F13A1: variants seen among roughly 807,000 people sequenced by gnomAD.
The protein encoded by F13A1 is coagulation factor XIII A chain.
Under a neutral mutation model 80.1 loss-of-function variants are expected in F13A1, and 47 were observed. The ratio of observed to expected loss-of-function variants is 0.59; its 90% CI spans 0.46 to 0.75. The LOEUF (loss-of-function observed/expected upper bound fraction) is 0.75. Among genes scored for constraint, F13A1 ranks in the 30% least tolerant of loss-of-function variants. F13A1 has a pLI of 0.00. For missense variants in F13A1, 817 were observed against 930.4 expected (o/e 0.88, Z 1.59); for synonymous variants, 349 against 344.9 (o/e 1.01, Z -0.13).
intron 8 of F13A1, among the ~76,000 whole-genome samples, chr6:6,219,186 C>A (rs184103194): frequency 6.6e-6 from 1 of 152,148 alleles, no homozygotes. Context: ...AAGTATGAGG[C>A]CAATAGCTCC....
At chr6:6,166,880 G>C (rs141706377) in intron 13 of F13A1, among the ~76,000 whole-genome samples, 1 of 152,356 alleles carries the variant, frequency 6.6e-6, no homozygotes, top group South Asian at 2.1e-4. Context: ...CTTGGTGATA[G>C]TCTAGGGGGT....
Position 6,195,955 on chromosome 6 carries a change from T to C in F13A1, c.1217-70A>G, listed in dbSNP as rs554857731. ...TTCTGTCCAGATACTGCAAGATTCATGGCACTGAGGGTGACTCTGTAAAGA... is the reference window on the plus strand; with the variant it reads ...TTCTGTCCAGATACTGCAAGATTCACGGCACTGAGGGTGACTCTGTAAAGA... On this transcript the variant is annotated intron_variant, in intron 9 of 14. Transcript: ENST00000264870. The C allele has an allele frequency of 3.6e-6, 5 of 1,375,700 alleles. No individual in the cohort carries two copies. In the South Asian group the frequency reaches 5.9e-5, roughly 16 times the overall value. 85.2% of individuals were successfully genotyped at this position (1,375,700 alleles called of 1,614,324 possible).
chr6:6,297,523 G>C (rs1477075030), intron 3 of F13A1, among the ~76,000 whole-genome samples: 2 of 150,988 alleles, frequency 1.3e-5, no homozygotes, highest in Non-Finnish European at 2.9e-5. Context: ...AGATTTTCTA[G>C]TTTATTTGCA....
intron 12 of F13A1, among the ~76,000 whole-genome samples, chr6:6,169,966 G>A (rs1017009991): frequency 2.0e-5 from 3 of 152,124 alleles, no homozygotes; most frequent in Non-Finnish European, 2.9e-5. Context: ...CTGCCTTTTG[G>A]AATGACCCGC....
chr6:6,219,040 A>G (rs1407094421), intron 8 of F13A1, among the ~76,000 whole-genome samples: 1 of 152,128 alleles, frequency 6.6e-6, no homozygotes, highest in Non-Finnish European at 1.5e-5. Flanking sequence ...TGAAGAAGAA[A>G]TAGATGGTGG....
At chr6:6,271,958 C>T (rs1228854372) in intron 3 of F13A1, among the ~76,000 whole-genome samples, 1 of 152,236 alleles carries the variant, frequency 6.6e-6, no homozygotes, top group Non-Finnish European at 1.5e-5. Context: ...TGTGATGTTA[C>T]TCTTTTCCAA....
intron 2 of F13A1, among the ~76,000 whole-genome samples, chr6:6,311,038 C>T: frequency 6.7e-6 from 1 of 149,276 alleles, no homozygotes; most frequent in Admixed American, 6.6e-5. Flanking sequence ...AAACATCTGT[C>T]TTTTTTTTTT....
intron 3 of F13A1, among the ~76,000 whole-genome samples, chr6:6,302,853 G>C (rs1758455278): frequency 6.6e-6 from 1 of 152,122 alleles, no homozygotes; most frequent in Admixed American, 6.5e-5. Flanking sequence ...AACTGTACAT[G>C]GTTCTTGCTT....
chr6:6,186,704 A>G (rs1053696945), intron 10 of F13A1, among the ~76,000 whole-genome samples: 7 of 152,118 alleles, frequency 4.6e-5, no homozygotes, highest in African/African-American at 1.7e-4. Context: ...TTGGTGATGC[A>G]GGCTCTTTTT....
At chr6:6,269,314 T>C (rs1757888456) in intron 3 of F13A1, among the ~76,000 whole-genome samples, 1 of 152,164 alleles carries the variant, frequency 6.6e-6, no homozygotes, top group South Asian at 2.1e-4. Context: ...TTCCCTGTTG[T>C]CCTGGGCTTT....
intron 2 of F13A1, among the ~76,000 whole-genome samples, chr6:6,315,858 C>T (rs1357079150): frequency 6.6e-6 from 1 of 151,606 alleles, no homozygotes; most frequent in Non-Finnish European, 1.5e-5. Context: ...CCACTAGTGG[C>T]CACTGGGTGA....
intron 6 of F13A1, among the ~76,000 whole-genome samples, chr6:6,245,028 C>A (rs2113094256): frequency 6.6e-6 from 1 of 152,198 alleles, no homozygotes; most frequent in South Asian, 2.1e-4. Flanking sequence ...ATTTTTACCC[C>A]CAGTAGACAT....
At chr6:6,220,399 A>G (rs1757174833) in intron 8 of F13A1, among the ~76,000 whole-genome samples, 1 of 152,196 alleles carries the variant, frequency 6.6e-6, no homozygotes, top group Middle Eastern at 3.2e-3. Context: ...GGCAAGATCT[A>G]CCTTCGCTAT....
intron 3 of F13A1, among the ~76,000 whole-genome samples, chr6:6,293,884 A>G (rs896582488): frequency 6.6e-6 from 1 of 151,962 alleles, no homozygotes; most frequent in African/African-American, 2.4e-5. Flanking sequence ...CTAGGTTCTG[A>G]GAACAGCAAC....
chr6:6,280,574 G>A (rs2113142175), intron 3 of F13A1, among the ~76,000 whole-genome samples: 1 of 152,278 alleles, frequency 6.6e-6, no homozygotes, highest in Non-Finnish European at 1.5e-5. Context: ...TTCAAGCCTA[G>A]TTTTTTGCAA....
chr6:6,299,024 A>G (rs1377886660), intron 3 of F13A1, among the ~76,000 whole-genome samples: 1 of 147,592 alleles, frequency 6.8e-6, no homozygotes, highest in Non-Finnish European at 1.5e-5. Context: ...GTTTGGCTGG[A>G]TATGAAATTC....
intron 3 of F13A1, among the ~76,000 whole-genome samples, chr6:6,284,724 A>G (rs1196605493): frequency 1.3e-5 from 2 of 152,180 alleles, no homozygotes; most frequent in Non-Finnish European, 2.9e-5. Context: ...GCAGAACAAT[A>G]AGCTCCTGGA....
At chr6:6,304,300 T>C (rs1758479475) in intron 3 of F13A1, among the ~76,000 whole-genome samples, 1 of 152,192 alleles carries the variant, frequency 6.6e-6, no homozygotes, top group Non-Finnish European at 1.5e-5. Flanking sequence ...CTGTGACTGC[T>C]GATTTGATTG....
chr6:6,235,032 T>A (rs1219039098), intron 6 of F13A1, among the ~76,000 whole-genome samples: 2 of 152,020 alleles, frequency 1.3e-5, no homozygotes, highest in Non-Finnish European at 2.9e-5. Context: ...GGAAATTTTA[T>A]GGATAAAGGA....
Sources: gnomAD v4.1 joint callset for allele counts (sites outside exome capture counted in the v4.1 genomes callset) on GRCh38, gnomAD v4.1.1 for gene constraint, MANE v1.5 for transcripts, NCBI Gene and HGNC (gene_info 2026-07-23, HGNC 2026-07-21) for gene names.